The following ALG14 variants were observed in gnomAD, a reference collection of about 807,000 sequenced individuals.
ALG14 encodes the protein ALG14 UDP-N-acetylglucosaminyltransferase subunit, also known as UDP-N-acetylglucosamine transferase subunit ALG14.
In ALG14, 17 loss-of-function variants were observed where a neutral mutation model predicts 22.8. The observed-to-expected ratio is 0.75, with a 90% CI of 0.51 to 1.12. The LOEUF (loss-of-function observed/expected upper bound fraction) is 1.12, where lower values mean the gene tolerates loss of function less well. Ranked by LOEUF, ALG14 falls within the 50% of genes most tolerant of loss-of-function variation. The pLI is 0.00. For synonymous variants in ALG14, 89 were observed against 103.7 expected (o/e 0.86, Z 0.86); for missense variants, 288 against 271.8 (o/e 1.06, Z -0.42).
intron 2 of ALG14, among the ~76,000 whole-genome samples, chr1:95,037,053 G>A (rs1326627261): frequency 1.3e-5 from 2 of 152,130 alleles, no homozygotes; most frequent in Non-Finnish European, 2.9e-5. Flanking sequence ...GAGACTTCAG[G>A]GAAAAACAAA....
chr1:95,018,226 A>G (rs1259097370), intron 3 of ALG14, among the ~76,000 whole-genome samples: 2 of 152,162 alleles, frequency 1.3e-5, no homozygotes, highest in African/African-American at 4.8e-5. Context: ...ATGAATTCTC[A>G]ATGAAACCTA....
chr1:94,976,876 CA>C lies in ALG14; in HGVS notation c.*6199del, dbSNP rs1672406985. On this transcript the variant is annotated 3_prime_UTR_variant, in exon 4 of 4. Transcript: ENST00000370205. ...CCTAATCAGTTGACCTTGAATTAATCAAAAGGGAGATTACACTGACTCAGTC... is the reference window on the plus strand; with the variant it reads ...CCTAATCAGTTGACCTTGAATTAATCAAAGGGAGATTACACTGACTCAGTC... 1 of 152,174 alleles carries C rather than the reference CA, an allele frequency of 6.6e-6. No homozygotes were observed. The highest frequency in any genetic ancestry group is 2.1e-4 in the South Asian group (1 of 4,826). The allele number at this position is 152,174 out of a possible 1,614,324, so 9.4% of individuals were successfully genotyped here. A position where few individuals can be genotyped will look rare whatever the true frequency, so the allele number is the denominator to read the frequency against.
intron 1 of ALG14, among the ~76,000 whole-genome samples, chr1:95,070,999 C>T (rs1675544043): frequency 6.6e-6 from 1 of 152,176 alleles, no homozygotes; most frequent in Non-Finnish European, 1.5e-5. Context: ...TATCGGCCTC[C>T]CAAATTGCTG....
At chr1:94,984,451 C>A (rs1414005732) in intron 3 of ALG14, among the ~76,000 whole-genome samples, 2 of 152,174 alleles carry the variant, frequency 1.3e-5, no homozygotes, top group Admixed American at 1.3e-4. Context: ...AAAAAGGTCA[C>A]CTGGTCTAGG....
chr1:95,065,106 T>C, intron 1 of ALG14, 89 bp from the exon 2 acceptor site: 1 of 1,234,648 alleles, frequency 8.1e-7, no homozygotes, highest in Non-Finnish European at 1.1e-6. Context: ...TGGTTTCAGG[T>C]TGGGGGTGGG....
At chr1:95,057,014 C>A (rs1240436293) in intron 2 of ALG14, among the ~76,000 whole-genome samples, 1 of 148,278 alleles carries the variant, frequency 6.7e-6, no homozygotes, top group Non-Finnish European at 1.5e-5. Context: ...TGAGATCAGG[C>A]CACTGCACTC....
At chr1:95,033,653 T>A (rs1332970796) in intron 2 of ALG14, among the ~76,000 whole-genome samples, 1 of 152,096 alleles carries the variant, frequency 6.6e-6, no homozygotes, top group East Asian at 1.9e-4. Flanking sequence ...TGAAGATCTA[T>A]GAGGTTGCCA....
rs35557702 is a variant in ALG14, at chr1:94,980,059, GA to G, written c.*3016del. The G allele has an allele frequency of 0.65, 96,202 of 147,614 alleles. 32,116 individuals are homozygous for G. Among genetic ancestry groups the G allele is most frequent in the East Asian group, 0.85 (4,298 of 5,082 alleles). The allele number at this position is 147,614 out of a possible 1,614,324, so 9.1% of individuals were successfully genotyped here. On this transcript the variant is annotated 3_prime_UTR_variant, in exon 4 of 4. Transcript: ENST00000370205. ...GCCTTTTGGGGGATGGGGCTTTTCAGAAAAAAAAAAAAGCACTCATTCAACC... is the reference window on the plus strand; with the variant it reads ...GCCTTTTGGGGGATGGGGCTTTTCAGAAAAAAAAAAAGCACTCATTCAACC...
chr1:95,000,907 G>A (rs1038778384), intron 3 of ALG14, among the ~76,000 whole-genome samples: 2 of 152,078 alleles, frequency 1.3e-5, no homozygotes, highest in Non-Finnish European at 2.9e-5. Flanking sequence ...CTCAGGCTGC[G>A]CCTGATCAAA....
chr1:94,976,386 T>G lies in ALG14; in HGVS notation c.*6690A>C, dbSNP rs1672398126. On this transcript the variant is annotated 3_prime_UTR_variant, in exon 4 of 4. Coordinates refer to ENST00000370205, the MANE Select transcript of ALG14 (RefSeq NM_144988.4). ...CAAAAAACATCTAGCTGATTGTGGTTGGCAGAAGTCTCAGATGGCCCCCAG... is the reference window on the plus strand; with the variant it reads ...CAAAAAACATCTAGCTGATTGTGGTGGGCAGAAGTCTCAGATGGCCCCCAG... The G allele has an allele frequency of 6.6e-6, 1 of 152,136 alleles. No individual in the cohort carries two copies. The highest frequency in any genetic ancestry group is 1.5e-5 in the Non-Finnish European group (1 of 68,012). 9.4% of individuals were successfully genotyped at this position (152,136 alleles called of 1,614,324 possible). A position where few individuals can be genotyped will look rare whatever the true frequency, so the allele number is the denominator to read the frequency against.
At chr1:95,046,104 T>C (rs1674547843) in intron 2 of ALG14, among the ~76,000 whole-genome samples, 1 of 151,862 alleles carries the variant, frequency 6.6e-6, no homozygotes, top group African/African-American at 2.4e-5. Flanking sequence ...ATAGAGGGCA[T>C]AGTGGCCACA....
rs1672534376 is a variant in ALG14, at chr1:94,982,983, G to A, written c.*93C>T. ...TCAATAATTCTCAGGACTGTCAGACGCCTTTACAAGAAACATGTAGGGTTT... is the reference window on the plus strand; with the variant it reads ...TCAATAATTCTCAGGACTGTCAGACACCTTTACAAGAAACATGTAGGGTTT... On this transcript the variant is annotated 3_prime_UTR_variant, in exon 4 of 4. Transcript: ENST00000370205. 2.0e-6 allele frequency: 2 copies of A among 997,062 alleles called. No homozygotes were observed. The highest frequency in any genetic ancestry group is 1.6e-5 in the African/African-American group (1 of 61,380). 61.8% of individuals were successfully genotyped at this position (997,062 alleles called of 1,614,324 possible). A position where few individuals can be genotyped will look rare whatever the true frequency, so the allele number is the denominator to read the frequency against.
intron 3 of ALG14, among the ~76,000 whole-genome samples, chr1:95,007,228 T>C (rs1012244142): frequency 2.6e-5 from 4 of 152,208 alleles, no homozygotes; most frequent in Admixed American, 6.5e-5. Context: ...TGTTCGTTTT[T>C]GTTGTGAGGT....
At chr1:94,994,449 C>A (rs1031257204) in intron 3 of ALG14, among the ~76,000 whole-genome samples, 25 of 152,354 alleles carry the variant, frequency 1.6e-4, no homozygotes, top group African/African-American at 6.0e-4. Flanking sequence ...AAGGGAAACA[C>A]ACTGACATTT....
intron 1 of ALG14, among the ~76,000 whole-genome samples, chr1:95,072,393 A>C (rs1675594120): frequency 6.6e-6 from 1 of 152,216 alleles, no homozygotes; most frequent in Non-Finnish European, 1.5e-5. Context: ...GTCATGTAGC[A>C]TTCGTGTTTC....
At chr1:94,991,476 T>G (rs1033176900) in intron 3 of ALG14, among the ~76,000 whole-genome samples, 4 of 152,236 alleles carry the variant, frequency 2.6e-5, no homozygotes, top group Admixed American at 2.6e-4. Context: ...TTTGTAGATC[T>G]AAACACATCT....
rs1672402322 is a variant in ALG14, at chr1:94,976,682, A to ACTCC, written c.*6390_*6393dup. 1 of 150,868 alleles carries ACTCC rather than the reference A, an allele frequency of 6.6e-6. No individual in the cohort carries two copies. Among genetic ancestry groups the ACTCC allele is most frequent in the South Asian group, 2.1e-4 (1 of 4,740 alleles). The allele number at this position is 150,868 out of a possible 1,614,324, so 9.3% of individuals were successfully genotyped here. ...ACTCCAGCCTGGGTGACAGAGTGAG[A>ACTCC]CTCCGTCTTAAAGAAAAAAAAAAAA... On this transcript the variant is annotated 3_prime_UTR_variant, in exon 4 of 4. Transcript: ENST00000370205.
rs1385484710 is a variant in ALG14, at chr1:94,976,985, A to AT, written c.*6090_*6091insA. On this transcript the variant is annotated 3_prime_UTR_variant, in exon 4 of 4. Coordinates refer to ENST00000370205, the MANE Select transcript of ALG14 (RefSeq NM_144988.4). ...CTGAATTCTGCCAACAACCATCTGA[A>AT]GGTATCTGAAAAGGATTCAGAGTTG... 13 of 152,340 alleles carry AT rather than the reference A, an allele frequency of 8.5e-5. 1 individual carries two copies. The East Asian group carries it at 2.5e-3, about 29-fold the overall frequency. 9.4% of individuals were successfully genotyped at this position (152,340 alleles called of 1,614,324 possible).
intron 2 of ALG14, among the ~76,000 whole-genome samples, chr1:95,064,304 C>T (rs1675274714): frequency 6.6e-6 from 1 of 152,148 alleles, no homozygotes; most frequent in Admixed American, 6.5e-5. Context: ...CTGGCCAGAA[C>T]TTCCAATACT....
Sources: allele counts gnomAD v4.1 joint callset (sites outside exome capture counted in the v4.1 genomes callset), GRCh38; gene constraint gnomAD v4.1.1; transcripts MANE v1.5; gene names NCBI Gene and HGNC (gene_info 2026-07-23, HGNC 2026-07-21).